Variants in MEIS2 observed in about 807,000 individuals in gnomAD.
The protein encoded by MEIS2 is homeobox protein Meis2.
In MEIS2, 9 loss-of-function variants were observed where a neutral mutation model predicts 58.6. The observed-to-expected ratio is 0.15, with a 90% CI of 0.09 to 0.27. MEIS2 has a LOEUF of 0.27. Among genes scored for constraint, MEIS2 ranks in the 10% least tolerant of loss-of-function variants. MEIS2 has a pLI of 1.00. For synonymous variants in MEIS2, 221 were observed against 228.4 expected (o/e 0.97, Z 0.29); for missense variants, 427 against 635.0 (o/e 0.67, Z 3.52).
intron 8 of MEIS2, among the ~76,000 whole-genome samples, chr15:37,020,339 AAGAG>A (rs1221201154): frequency 6.6e-6 from 1 of 152,184 alleles, no homozygotes; most frequent in Non-Finnish European, 1.5e-5. Context: ...AAGGAAAAGA[AAGAG>A]AGGAAAAAAA....
chr15:37,097,959 C>G lies in MEIS2; in HGVS notation c.245+8G>C, dbSNP rs367731748. The G allele has an allele frequency of 3.2e-6, 5 of 1,578,368 alleles. No individual in the cohort carries two copies. The African/African-American group carries it at 6.7e-5, about 21-fold the overall frequency. On this transcript the variant is annotated splice_region_variant and intron_variant, in intron 2 of 11. Transcript: ENST00000561208. ...ACACAGTAAGCTGGGTCCGGGGGGTCAGTTTACCCATAGATCGCGTCCTTG... is the reference window on the plus strand; with the variant it reads ...ACACAGTAAGCTGGGTCCGGGGGGTGAGTTTACCCATAGATCGCGTCCTTG...
intron 8 of MEIS2, among the ~76,000 whole-genome samples, chr15:36,955,954 G>A (rs1180668492): frequency 2.1e-5 from 3 of 141,884 alleles, no homozygotes; most frequent in South Asian, 2.3e-4. Flanking sequence ...GAGGTGGGTG[G>A]ATTAAGAGGT....
intron 8 of MEIS2, among the ~76,000 whole-genome samples, chr15:37,031,421 ATGTGTG>A (rs60605081): frequency 3.4e-5 from 5 of 146,844 alleles, no homozygotes; most frequent in African/African-American, 1.0e-4. Flanking sequence ...TCCCTTGCAT[ATGTGTG>A]TGTGTGTGTG....
chr15:36,931,043 C>T (rs1567067938), intron 9 of MEIS2, among the ~76,000 whole-genome samples: 1 of 152,170 alleles, frequency 6.6e-6, no homozygotes, highest in Non-Finnish European at 1.5e-5. Context: ...TGGTTCAGCC[C>T]ATTCCTAATG....
At chr15:37,073,696 C>T (rs1479186942) in intron 7 of MEIS2, among the ~76,000 whole-genome samples, 3 of 151,958 alleles carry the variant, frequency 2.0e-5, no homozygotes. Flanking sequence ...TCATCTTTCA[C>T]ATTTAGTACA....
intron 7 of MEIS2, among the ~76,000 whole-genome samples, chr15:37,060,231 T>A (rs963070607): frequency 2.0e-5 from 3 of 152,100 alleles, no homozygotes; most frequent in Admixed American, 2.0e-4. Flanking sequence ...ATGAGCAAAC[T>A]CTCTAAGAGT....
chr15:37,097,903 C>G, intron 2 of MEIS2, 64 bp downstream of exon 2: 1 of 1,505,406 alleles, frequency 6.6e-7, no homozygotes, highest in Non-Finnish European at 8.9e-7. Context: ...TTCCCACCCC[C>G]ACAGAGACAA....
At chr15:37,095,487 G>C (rs1318518482) in intron 4 of MEIS2, 77 bp downstream of exon 4, 1 of 1,603,642 alleles carries the variant, frequency 6.2e-7, no homozygotes, top group Admixed American at 1.7e-5. Flanking sequence ...ACTCCCCAGA[G>C]CTCCAGCAGA....
At chr15:36,953,560 G>A (rs1264982654) in intron 8 of MEIS2, among the ~76,000 whole-genome samples, 1 of 152,084 alleles carries the variant, frequency 6.6e-6, no homozygotes, top group Non-Finnish European at 1.5e-5. Context: ...ATTGTAACCT[G>A]ATAGCAATGA....
At chr15:36,965,705 T>C (rs571373723) in intron 8 of MEIS2, among the ~76,000 whole-genome samples, 1 of 152,304 alleles carries the variant, frequency 6.6e-6, no homozygotes, top group East Asian at 1.9e-4. Context: ...TGGAGCAAAC[T>C]TTTCCCTAGC....
At chr15:36,992,066 CG>C (rs35961704) in intron 8 of MEIS2, among the ~76,000 whole-genome samples, 71,192 of 151,162 alleles carry the variant, frequency 0.47, 18,583 homozygotes, top group Middle Eastern at 0.7. Context: ...GGATTACAGG[CG>C]GTGAGCCACC....
At chr15:37,007,275 T>C (rs1321319300) in intron 8 of MEIS2, among the ~76,000 whole-genome samples, 1 of 152,058 alleles carries the variant, frequency 6.6e-6, no homozygotes, top group Non-Finnish European at 1.5e-5. Context: ...ACAGCTGTAA[T>C]CTCAGCTATC....
At chr15:37,095,896 T>G (rs1249134399) in intron 3 of MEIS2, 1 of 514,862 alleles carries the variant, frequency 1.9e-6, no homozygotes, top group East Asian at 3.5e-5. Context: ...TCCAAGAGGC[T>G]GTGGCTCTCC....
chr15:37,097,153 T>G (rs574186610), intron 2 of MEIS2: 5 of 152,336 alleles, frequency 3.3e-5, no homozygotes, highest in Admixed American at 3.3e-4. Flanking sequence ...GTATGCCCTT[T>G]GTGTTCCTCC....
At chr15:36,893,530 T>C (rs2056000914) in intron 11 of MEIS2, among the ~76,000 whole-genome samples, 1 of 152,182 alleles carries the variant, frequency 6.6e-6, no homozygotes, top group Non-Finnish European at 1.5e-5. Context: ...GATAATTAAG[T>C]ACCAAATATA....
intron 8 of MEIS2, among the ~76,000 whole-genome samples, chr15:36,967,205 G>T (rs141759747): frequency 6.6e-6 from 1 of 152,140 alleles, no homozygotes; most frequent in East Asian, 1.9e-4. Context: ...CATTTTAAAC[G>T]CTCATGATAT....
At position 36,929,367 on chromosome 15, in the gene MEIS2, G is replaced by A. The variant is rs146873585; in HGVS notation, c.977+20957C>T. 2.6e-5 allele frequency among the ~76,000 whole-genome samples: 4 copies of A among 152,300 alleles called. No homozygotes were observed. In the East Asian group the frequency reaches 7.7e-4, roughly 29 times the overall value. ...GCAGTCTGCTCTGACCTGTGGGTAT[G>A]GAGTATAAACTTCCTTGTGCATGCA... On this transcript the variant is annotated intron_variant, in intron 9 of 11. Transcript: ENST00000561208.
At chr15:37,094,666 G>C (rs1376661782) in intron 4 of MEIS2, 89 bp from the exon 5 acceptor site, 4 of 1,098,964 alleles carry the variant, frequency 3.6e-6, no homozygotes, top group Non-Finnish European at 5.3e-6. Flanking sequence ...ATGGTGGTGA[G>C]AAAGTTGGGC....
chr15:37,016,664 G>GTA (rs2061360305), intron 8 of MEIS2, among the ~76,000 whole-genome samples: 2 of 152,240 alleles, frequency 1.3e-5, no homozygotes, highest in African/African-American at 4.8e-5. Flanking sequence ...GCATATAATA[G>GTA]GAACTTTTGC....
Sources: allele counts gnomAD v4.1 joint callset (sites outside exome capture counted in the v4.1 genomes callset), GRCh38; gene constraint gnomAD v4.1.1; transcripts MANE v1.5; gene names NCBI Gene and HGNC (gene_info 2026-07-23, HGNC 2026-07-21).